Variants in MCOLN2 observed in about 807,000 individuals in gnomAD.
MCOLN2 encodes mucolipin-2.
Under a neutral mutation model 67.5 loss-of-function variants are expected in MCOLN2, and 57 were observed. The ratio of observed to expected loss-of-function variants is 0.84; its 90% CI spans 0.68 to 1.05. The LOEUF is 1.05. Among genes scored for constraint, MCOLN2 ranks in the 50% least tolerant of loss-of-function variants. The pLI, the probability that MCOLN2 is intolerant of heterozygous loss-of-function variation, is 0.00. For synonymous variants in MCOLN2, 246 were observed against 233.3 expected (o/e 1.05, Z -0.50); for missense variants, 620 against 678.8 (o/e 0.91, Z 0.96).
intron 2 of MCOLN2, among the ~76,000 whole-genome samples, chr1:84,960,736 G>A (rs148692651): frequency 6.2e-4 from 95 of 152,266 alleles, no homozygotes; most frequent in Admixed American, 7.2e-4. Context: ...ATGTAAACCA[G>A]GGAAGCAACA....
At chr1:84,935,030 A>G (rs1350449544) in intron 11 of MCOLN2, among the ~76,000 whole-genome samples, 1 of 152,192 alleles carries the variant, frequency 6.6e-6, no homozygotes, top group East Asian at 1.9e-4. Context: ...GGTTGCTGTG[A>G]TTCTAAAAAT....
At chr1:84,990,314 A>C (rs1449867479) in intron 1 of MCOLN2, among the ~76,000 whole-genome samples, 3 of 150,198 alleles carry the variant, frequency 2.0e-5, no homozygotes, top group Non-Finnish European at 4.4e-5. Context: ...AAAAAAAAAA[A>C]AAAAAAAAAA....
In MCOLN2 at chr1:84,991,823, G is replaced by A. The variant is rs531907718; in HGVS notation, c.77+4973C>T. Among the ~76,000 whole-genome samples, 7 of 152,240 alleles carry A rather than the reference G, an allele frequency of 4.6e-5. No individual in the cohort carries two copies. In the South Asian group the frequency reaches 1.5e-3, roughly 32 times the overall value. The stretch of plus-strand genomic sequence containing the variant: ...AGCCACACTCCTTTGGAAACTAGAA[G>A]AAACAGTTCTCTGAGGAAGAGATAA... On this transcript the variant is annotated intron_variant, in intron 1 of 13. Transcript: ENST00000370608.
At chr1:84,972,621 T>C (rs995408753) in intron 1 of MCOLN2, among the ~76,000 whole-genome samples, 3 of 152,234 alleles carry the variant, frequency 2.0e-5, no homozygotes, top group African/African-American at 7.2e-5. Flanking sequence ...TCTCCACAGA[T>C]AATCAGGACT....
At chr1:84,931,661 C>A in intron 11 of MCOLN2, 93 bp from the exon 12 acceptor site, 1 of 1,060,622 alleles carries the variant, frequency 9.4e-7, no homozygotes. Context: ...TTGTTTTTGT[C>A]ATTGTAGTAG....
At chr1:84,949,628 G>A (rs896676470) in intron 6 of MCOLN2, among the ~76,000 whole-genome samples, 13 of 152,258 alleles carry the variant, frequency 8.5e-5, no homozygotes, top group African/African-American at 3.1e-4. Context: ...CTGGGCAACA[G>A]AGCAAGACTC....
At chr1:84,935,799 T>C (rs72944579) in intron 11 of MCOLN2, among the ~76,000 whole-genome samples, 9,530 of 152,134 alleles carry the variant, frequency 0.063, 381 homozygotes, top group African/African-American at 0.11. Context: ...AAAGGACAAA[T>C]TGAACATATG....
rs1027610508 is a variant in MCOLN2, at chr1:84,942,981, C to A, written c.848-1990G>T. Among the ~76,000 whole-genome samples the A allele has an allele frequency of 3.9e-5, 6 of 152,114 alleles. No homozygotes were observed. In the East Asian group the frequency reaches 1.2e-3, roughly 29 times the overall value. ...TTTCCAGAACTGAAAGAATGCATTT[C>A]TTTTCTTTATAAATTAGCTAGTTTC... is the stretch of plus-strand genomic sequence containing the variant. On this transcript the variant is annotated intron_variant, in intron 7 of 13. Transcript: ENST00000370608.
chr1:84,940,918 C>G lies in MCOLN2; in HGVS notation c.921G>C (p.Leu307=). Residue 307 remains leucine, a synonymous_variant, in exon 8 of 14, where the codon CTG becomes CTC. Coordinates refer to ENST00000370608, the MANE Select transcript of MCOLN2 (RefSeq NM_153259.4). The part of the protein sequence containing the change: ...VIVICLASLI[L]CTRSIVLALR... The stretch of plus-strand genomic sequence containing the variant: ...GAGCAAGAACAATGGATCTTGTACA[C>G]AGAATAAGAGATGCCAAGCAAATCA... The G allele has an allele frequency of 1.9e-6, 3 of 1,613,508 alleles. No homozygotes were observed. The highest frequency in any genetic ancestry group is 2.5e-6 in the Non-Finnish European group (3 of 1,179,702).
intron 1 of MCOLN2, among the ~76,000 whole-genome samples, chr1:84,982,715 CCT>C (rs1425353353): frequency 6.6e-6 from 1 of 151,990 alleles, no homozygotes; most frequent in African/African-American, 2.4e-5. Flanking sequence ...TGTTTGTTCC[CCT>C]GACCCCAACA....
At position 84,926,798 on chromosome 1, in the gene MCOLN2, A is replaced by G. The variant is rs1661181842; in HGVS notation, c.1665-77T>C. 4 of 1,120,070 alleles carry G rather than the reference A, an allele frequency of 3.6e-6. No homozygotes were observed. In the African/African-American group the frequency reaches 4.6e-5, roughly 13 times the overall value. 69.4% of individuals were successfully genotyped at this position (1,120,070 alleles called of 1,614,324 possible). Reference sequence around the variant, plus strand: ...CTTTGAGGAGCAATAGGAATACTCTATATTCTAGGCCCGTAGATTATAGAC... The same window carrying G: ...CTTTGAGGAGCAATAGGAATACTCTGTATTCTAGGCCCGTAGATTATAGAC... On this transcript the variant is annotated intron_variant, in intron 13 of 13. Transcript: ENST00000370608.
intron 1 of MCOLN2, among the ~76,000 whole-genome samples, chr1:84,985,530 T>C (rs1650465564): frequency 6.6e-6 from 1 of 152,176 alleles, no homozygotes; most frequent in South Asian, 2.1e-4. Flanking sequence ...CAACCCTTTT[T>C]ATGAAACTCC....
chr1:84,970,893 C>T (rs1649646242), intron 1 of MCOLN2, among the ~76,000 whole-genome samples: 2 of 152,168 alleles, frequency 1.3e-5, no homozygotes, highest in Admixed American at 6.5e-5. Context: ...CTTCTGACTG[C>T]TGGGTTCCTT....
intron 1 of MCOLN2, among the ~76,000 whole-genome samples, chr1:84,986,394 G>C (rs1160320725): frequency 6.6e-6 from 1 of 151,950 alleles, no homozygotes; most frequent in Non-Finnish European, 1.5e-5. Context: ...TACAAAATTA[G>C]CCAGGCATGG....
intron 7 of MCOLN2, among the ~76,000 whole-genome samples, chr1:84,941,746 T>C (rs1236091081): frequency 6.6e-6 from 1 of 152,210 alleles, no homozygotes; most frequent in Non-Finnish European, 1.5e-5. Context: ...TCCCCACTTC[T>C]GCTTCTCAAC....
intron 1 of MCOLN2, among the ~76,000 whole-genome samples, chr1:84,984,626 T>C (rs529672803): frequency 3.9e-5 from 6 of 152,344 alleles, no homozygotes; most frequent in Admixed American, 2.0e-4. Context: ...CAGACACTAC[T>C]AGTTGCCTGC....
At chr1:84,962,413 C>T (rs1039086194) in intron 2 of MCOLN2, among the ~76,000 whole-genome samples, 2 of 152,144 alleles carry the variant, frequency 1.3e-5, no homozygotes, top group African/African-American at 4.8e-5. Context: ...GGTGCAGTGG[C>T]ATGTGCCTTT....
chr1:84,931,540 C>T lies in MCOLN2; in HGVS notation c.1364G>A (p.Cys455Tyr), dbSNP rs370885870. The change falls in exon 12 of 14, where the codon TGT becomes TAT. Residue 455 changes from cysteine (C) to tyrosine (Y), a missense_variant. Cys to Tyr is a radical substitution (Grantham distance 194). Coordinates refer to ENST00000370608, the MANE Select transcript of MCOLN2 (RefSeq NM_153259.4). ...ATCACCGTTGACCAGAGAAAACAGA[C>T]ACTCAGCAACTGTGTTCAGATTTTC... ...KFENLNTVAECLFSLVNGDDM... is the reference protein window; with the variant it reads ...KFENLNTVAEYLFSLVNGDDM... The T allele has an allele frequency of 6.2e-7, 1 of 1,614,054 alleles. No individual in the cohort carries two copies. Among genetic ancestry groups the T allele is most frequent in the Non-Finnish European group, 8.5e-7 (1 of 1,179,964 alleles).
At chr1:84,930,976 GT>G (rs2102799624) in intron 12 of MCOLN2, among the ~76,000 whole-genome samples, 1 of 151,902 alleles carries the variant, frequency 6.6e-6, no homozygotes, top group Admixed American at 6.5e-5. Context: ...ATTATCCAGT[GT>G]GAGTTGTAGC....
Sources: allele counts gnomAD v4.1 joint callset (sites outside exome capture counted in the v4.1 genomes callset), GRCh38; gene constraint gnomAD v4.1.1; transcripts MANE v1.5; gene names NCBI Gene and HGNC (gene_info 2026-07-23, HGNC 2026-07-21).